Variants in ARSD observed in about 807,000 individuals in gnomAD.
ARSD encodes the protein arylsulfatase D.
In ARSD, 21 loss-of-function variants were observed where a neutral mutation model predicts 32.6. The ratio of observed to expected loss-of-function variants is 0.64; its 90% CI spans 0.46 to 0.93. The LOEUF (loss-of-function observed/expected upper bound fraction) is 0.93, where lower values mean the gene tolerates loss of function less well. ARSD is among the 40% of genes least tolerant of loss of function. The pLI, the probability that ARSD is intolerant of heterozygous loss-of-function variation, is 0.00. For synonymous variants in ARSD, 224 were observed against 237.4 expected (o/e 0.94, Z 0.52); for missense variants, 454 against 520.9 (o/e 0.87, Z 1.25).
intron 4 of ARSD, among the ~76,000 whole-genome samples, chrX:2,919,260 G>T (rs1260067716): frequency 1.9e-5 from 2 of 102,989 alleles, no homozygotes; most frequent in African/African-American, 7.3e-5. Flanking sequence ...AGGGTGTTGC[G>T]GCTCCTGTGA....
chrX:2,915,444 C>G (rs779373221), intron 6 of ARSD, 112 bp downstream of exon 6: 636 of 1,077,858 alleles, frequency 5.9e-4, no homozygotes, highest in Non-Finnish European at 7.3e-4. Flanking sequence ...CGTGAGCCAC[C>G]GCCCTTATTC....
At position 2,904,903 on chromosome X, in the gene ARSD, C is replaced by CTTTT. The variant is rs57996096; in HGVS notation, c.*2364_*2367dup. ...CGTGTCCCATGCTCCATAGATGTTT[C>CTTTT]TTTTTTTTTTTTTTTTTAATCATTT... On this transcript the variant is annotated 3_prime_UTR_variant, in exon 10 of 10. Transcript: ENST00000381154. The CTTTT allele has an allele frequency of 9.6e-6, 2 of 208,505 alleles. No individual in the cohort carries two copies. The highest frequency in any genetic ancestry group is 1.8e-5 in the Non-Finnish European group (2 of 113,578). The allele number at this position is 208,505 out of a possible 1,213,427, so 17.2% of individuals were successfully genotyped here.
chrX:2,916,155 AT>A (rs1450457556), intron 5 of ARSD, among the ~76,000 whole-genome samples: 1 of 103,341 alleles, frequency 9.7e-6, no homozygotes, highest in African/African-American at 3.6e-5. Context: ...AAAAAAAAGA[AT>A]ATATTGTATA....
At position 2,917,902 on chromosome X, in the gene ARSD, G is replaced by T. The variant is rs754111309; in HGVS notation, c.765C>A (p.Asn255Lys). 8.2e-7 allele frequency: 1 copy of T among 1,212,181 alleles called. No individual in the cohort carries two copies. The highest frequency in any genetic ancestry group is 1.1e-6 in the Non-Finnish European group (1 of 895,486). ...CGTCATGGTTTCTCATCAGGATACA[G>T]TTCCAGCGTCGCACAAACCCGAAGG... ...YSSFGFVRRW[N>K]CILMRNHDVT... Residue 255 changes from asparagine to lysine, a missense_variant, in exon 5 of 10, where the codon AAC becomes AAA. Asn to Lys is a moderately conservative substitution (Grantham distance 94). Coordinates refer to ENST00000381154, the MANE Select transcript of ARSD (RefSeq NM_001669.4).
At chrX:2,909,743 C>G in intron 8 of ARSD, 74 bp downstream of exon 8, 1 of 977,864 alleles carries the variant, frequency 1.0e-6, no homozygotes, top group Non-Finnish European at 1.4e-6. Flanking sequence ...TCCCCAAAAT[C>G]CTATTGAAAT....
intron 6 of ARSD, chrX:2,914,328 G>T: frequency 1.8e-6 from 1 of 555,480 alleles, no homozygotes; most frequent in Non-Finnish European, 2.2e-6. Context: ...AGCCTCCTGG[G>T]CTCAAATGAT....
At chrX:2,913,548 A>C in intron 6 of ARSD, 1 of 984,046 alleles carries the variant, frequency 1.0e-6, no homozygotes, top group Non-Finnish European at 1.3e-6. Context: ...CTCGGGAGAT[A>C]TGTTCAGATT....
rs138867210 is a variant in ARSD, at chrX:2,929,147, G to C, written c.44+85C>G. The C allele has an allele frequency of 3.2e-3, 2,910 of 900,241 alleles. 49 individuals carry two copies. In the African/African-American group the frequency reaches 0.054, roughly 17 times the overall value. The allele number at this position is 900,241 out of a possible 1,213,427, so 74.2% of individuals were successfully genotyped here. On this transcript the variant is annotated intron_variant, in intron 1 of 9. Transcript: ENST00000381154. ...CTTTACAGGGGCCCAGGCTCGCCCG[G>C]GGCGCCCCTCGCCGTGCTCGCGACC...
intron 6 of ARSD, chrX:2,913,907 GGTT>G (rs1201122649): frequency 6.4e-6 from 2 of 312,171 alleles, no homozygotes; most frequent in Non-Finnish European, 9.0e-6. Flanking sequence ...CACGAGATCT[GGTT>G]GTTTAAAAGT....
chrX:2,904,258 C>T lies in ARSD; in HGVS notation c.*3013G>A, dbSNP rs925650887. 3 of 111,089 alleles carry T rather than the reference C, an allele frequency of 2.7e-5. No homozygotes were observed. The highest frequency in any genetic ancestry group is 5.7e-5 in the Non-Finnish European group (3 of 53,028). 9.2% of individuals were successfully genotyped at this position (111,089 alleles called of 1,213,427 possible). A position where few individuals can be genotyped will look rare whatever the true frequency, so the allele number is the denominator to read the frequency against. Reference sequence around the variant, plus strand: ...CCTGAGGAATGGAAGAATATAGCTGCCAGGTATCCCAAGTCTAGGGCAGGG... The same window carrying T: ...CCTGAGGAATGGAAGAATATAGCTGTCAGGTATCCCAAGTCTAGGGCAGGG... On this transcript the variant is annotated 3_prime_UTR_variant, in exon 10 of 10. Transcript: ENST00000381154.
intron 3 of ARSD, among the ~76,000 whole-genome samples, chrX:2,921,360 T>A (rs186428167): frequency 8.9e-6 from 1 of 112,036 alleles, no homozygotes; most frequent in East Asian, 2.8e-4. Flanking sequence ...CTTATCTTTC[T>A]ATCATCATTA....
At position 2,918,726 on chromosome X, in the gene ARSD, C is replaced by G. The variant is rs187559379; in HGVS notation, c.440-499G>C. Among the ~76,000 whole-genome samples the G allele has an allele frequency of 7.8e-3, 865 of 110,561 alleles. 7 individuals are homozygous for G. Among genetic ancestry groups the G allele is most frequent in the African/African-American group, 0.027 (807 of 30,371 alleles). On this transcript the variant is annotated intron_variant, in intron 4 of 9. Coordinates refer to ENST00000381154, the MANE Select transcript of ARSD (RefSeq NM_001669.4). ...CTGCACTCCAGCCTGGGCGACAGAG[C>G]CAGACTCCGTCTCAAAAAACAAAAA...
In ARSD at chrX:2,907,295, G is replaced by A. The variant is rs767902748; in HGVS notation, c.1758C>T (p.His586=). The change falls in exon 10 of 10, where the codon CAC becomes CAT. Residue 586 remains histidine, a synonymous_variant. Transcript: ENST00000381154. ...CCGHFPFCSC[H]EDGDGTP ...TTCAGGGGGTGCCATCCCCATCCTC[G>A]TGGCATGAACAGAACGGGAAATGTC... The A allele has an allele frequency of 1.1e-5, 13 of 1,208,472 alleles. No homozygotes were observed. In the Admixed American group the frequency reaches 1.3e-4, roughly 12 times the overall value.
intron 6 of ARSD, chrX:2,913,359 C>A (rs1033609350): frequency 5.9e-6 from 1 of 168,297 alleles, no homozygotes; most frequent in Non-Finnish European, 9.5e-6. Context: ...GTTCATGCTG[C>A]GGGGGGTAGA....
Position 2,929,170 on chromosome X carries a change from AC to A in ARSD, c.44+61del, listed in dbSNP as rs1180644322. ...CGGGGCGCCCCTCGCCGTGCTCGCG[AC>A]CCCCTCCCCAGGCCCCCACCCTAGG... is the stretch of plus-strand genomic sequence containing the variant. On this transcript the variant is annotated intron_variant, in intron 1 of 9. Coordinates refer to ENST00000381154, the MANE Select transcript of ARSD (RefSeq NM_001669.4). The A allele has an allele frequency of 3.2e-5, 31 of 964,291 alleles. No homozygotes were observed. In the South Asian group the frequency reaches 4.3e-4, roughly 13 times the overall value. The allele number at this position is 964,291 out of a possible 1,213,427, so 79.5% of individuals were successfully genotyped here.
At chrX:2,914,711 TCCTGAACATTAA>T (rs761780933) in intron 6 of ARSD, 1 of 1,026,185 alleles carries the variant, frequency 9.7e-7, no homozygotes, top group Admixed American at 2.5e-5. Flanking sequence ...GTCTGCATTG[TCCTGAACATTAA>T]CTTTATCGCT....
At position 2,907,814 on chromosome X, in the gene ARSD, G is replaced by A. The variant is rs1254935991; in HGVS notation, c.1421-182C>T. On this transcript the variant is annotated intron_variant, in intron 9 of 9. Coordinates refer to ENST00000381154, the MANE Select transcript of ARSD (RefSeq NM_001669.4). ...GCAAAGTCAGAGCATGTGTGTGTGC[G>A]CGCGTGCGCCCATGTGTGTCCGTTT... 19 of 998,284 alleles carry A rather than the reference G, an allele frequency of 1.9e-5. No individual in the cohort carries two copies. The East Asian group carries it at 6.1e-4, about 32-fold the overall frequency. 82.3% of individuals were successfully genotyped at this position (998,284 alleles called of 1,213,427 possible). A position where few individuals can be genotyped will look rare whatever the true frequency, so the allele number is the denominator to read the frequency against.
At chrX:2,927,137 C>T (rs907782278) in intron 1 of ARSD, among the ~76,000 whole-genome samples, 3 of 110,451 alleles carry the variant, frequency 2.7e-5, no homozygotes, top group Non-Finnish European at 3.8e-5. Context: ...GCGAGAGGCA[C>T]GGCAGTGCTG....
chrX:2,928,477 C>T (rs1403924059), intron 1 of ARSD, among the ~76,000 whole-genome samples: 23 of 39,691 alleles, frequency 5.8e-4, no homozygotes, highest in African/African-American at 2.2e-3. Context: ...AGGGCACAGC[C>T]GTGCTGGGAA....
Sources: allele counts gnomAD v4.1 joint callset (sites outside exome capture counted in the v4.1 genomes callset), GRCh38; gene constraint gnomAD v4.1.1; transcripts MANE v1.5; gene names NCBI Gene and HGNC (gene_info 2026-07-23, HGNC 2026-07-21).